SCAF11: variants seen among roughly 807,000 people sequenced by gnomAD.
SCAF11 encodes SR-related CTD associated factor 11.
In SCAF11, 47 loss-of-function variants were observed where a neutral mutation model predicts 140.5. The observed-to-expected ratio is 0.33, with a 90% CI of 0.26 to 0.43. The LOEUF is 0.43. Among genes scored for constraint, SCAF11 ranks in the 20% least tolerant of loss-of-function variants. SCAF11 has a pLI of 1.00. For missense variants in SCAF11, 1,645 were observed against 1,705.1 expected, an observed-to-expected ratio of 0.96 and a Z score of 0.62; for synonymous variants, 557 against 579.4, an observed-to-expected ratio of 0.96 and a Z score of 0.55.
intron 1 of SCAF11, among the ~76,000 whole-genome samples, chr12:45,972,873 T>TATAG (rs1197274636): frequency 2.0e-4 from 9 of 44,908 alleles, no homozygotes; most frequent in African/African-American, 8.4e-4. Context: ...TCGATATATA[T>TATAG]ATATATAGAT....
intron 11 of SCAF11, among the ~76,000 whole-genome samples, chr12:45,925,324 G>A (rs1316049933): frequency 3.9e-5 from 6 of 152,046 alleles, no homozygotes; most frequent in African/African-American, 7.2e-5. Flanking sequence ...AGGCCAAGGC[G>A]GGCAGATCAC....
At chr12:45,936,015 AG>A (rs1321975465) in intron 6 of SCAF11, among the ~76,000 whole-genome samples, 4 of 152,222 alleles carry the variant, frequency 2.6e-5, no homozygotes, top group African/African-American at 9.6e-5. Context: ...AAACTTATAA[AG>A]AAAAATTATG....
In SCAF11 at chr12:45,927,285, C is replaced by T. The variant is rs778060833; in HGVS notation, c.2416G>A (p.Asp806Asn). The T allele has an allele frequency of 2.5e-6, 4 of 1,586,188 alleles. No homozygotes were observed. Among genetic ancestry groups the T allele is most frequent in the Non-Finnish European group, 3.4e-6 (4 of 1,165,180 alleles). ...SPSTTWSPNK[D>N]TPQEKKRPQS... ...GGCCGCTTCTTTTCTTGTGGAGTGT[C>T]TTTGTTGGGTGACCAAGTTGTAGAT... Residue 806 changes from aspartate (D) to asparagine (N), a missense_variant, in exon 11 of 15, where the codon GAC becomes AAC. Asp to Asn is a conservative substitution (Grantham distance 23). This residue lies in a region of SCAF11 where 1,582 missense variants were observed against 1,609.2 expected (regional missense o/e 0.98). Transcript: ENST00000369367.
chr12:45,973,534 A>T (rs1946162730), intron 1 of SCAF11, among the ~76,000 whole-genome samples: 1 of 152,182 alleles, frequency 6.6e-6, no homozygotes, highest in South Asian at 2.1e-4. Context: ...ATGCCTGGAC[A>T]CACATCAGAG....
At chr12:45,988,815 A>G (rs903204213) in intron 1 of SCAF11, among the ~76,000 whole-genome samples, 4 of 152,202 alleles carry the variant, frequency 2.6e-5, no homozygotes, top group Non-Finnish European at 4.4e-5. Context: ...GAAAAACTGA[A>G]TGACTGTTAA....
At chr12:45,923,197 C>T (rs777155932) in intron 12 of SCAF11, 43 bp from the exon 13 acceptor site, 18 of 1,521,336 alleles carry the variant, frequency 1.2e-5, no homozygotes, top group Admixed American at 3.4e-5. Flanking sequence ...TACTTGTACT[C>T]GATAGAAGTC....
rs559868092 is a variant in SCAF11, at chr12:45,920,734, C to T, written c.*1314G>A. ...ATTTTGCAACATGGCTAATGGCTACCACCTGGTCACCAAATTAACACTTCA... is the reference window on the plus strand; with the variant it reads ...ATTTTGCAACATGGCTAATGGCTACTACCTGGTCACCAAATTAACACTTCA... On this transcript the variant is annotated 3_prime_UTR_variant, in exon 15 of 15. Transcript: ENST00000369367. 7.9e-5 allele frequency: 12 copies of T among 152,608 alleles called. No homozygotes were observed. The South Asian group carries it at 2.5e-3, about 32-fold the overall frequency. 9.5% of individuals were successfully genotyped at this position (152,608 alleles called of 1,614,324 possible).
At chr12:45,940,948 G>A (rs1945283252) in intron 6 of SCAF11, among the ~76,000 whole-genome samples, 1 of 152,142 alleles carries the variant, frequency 6.6e-6, no homozygotes, top group African/African-American at 2.4e-5. Context: ...GGGACTACAG[G>A]TGTGTATCAC....
chr12:45,930,460 T>G (rs993937330), intron 10 of SCAF11, among the ~76,000 whole-genome samples: 1 of 150,478 alleles, frequency 6.6e-6, no homozygotes, highest in African/African-American at 2.5e-5. Flanking sequence ...TTTTTTGTTT[T>G]TTTTTTTTTT....
chr12:45,982,618 T>C (rs199659318), intron 1 of SCAF11, among the ~76,000 whole-genome samples: 3 of 152,236 alleles, frequency 2.0e-5, no homozygotes, highest in East Asian at 1.9e-4. Flanking sequence ...GGCAGGAGAA[T>C]TGCTTGAACT....
At chr12:45,990,859 T>A (rs1946589197), upstream of SCAF11, among the ~76,000 whole-genome samples, 1 of 152,212 alleles carries the variant, frequency 6.6e-6, no homozygotes, top group South Asian at 2.1e-4. Flanking sequence ...TGGAGGGGCC[T>A]TCTGGGAAAC....
At position 45,927,443 on chromosome 12, in the gene SCAF11, G is replaced by C; in HGVS notation, c.2258C>G (p.Ser753Cys). ...QMNENSVTHC[S>C]ENNMPSSDLA... ...ATCAGAAGACGGCATATTATTTTCAGAACAGTGTGTCACAGAATTTTCATT... is the reference window on the plus strand; with the variant it reads ...ATCAGAAGACGGCATATTATTTTCACAACAGTGTGTCACAGAATTTTCATT... Residue 753 changes from serine to cysteine, a missense_variant, in exon 11 of 15, where the codon TCT becomes TGT. Transcript: ENST00000369367. The C allele has an allele frequency of 1.9e-6, 3 of 1,613,470 alleles. No individual in the cohort carries two copies. Among genetic ancestry groups the C allele is most frequent in the East Asian group, 2.2e-5 (1 of 44,876 alleles).
intron 1 of SCAF11, among the ~76,000 whole-genome samples, chr12:45,977,556 T>C (rs1418216637): frequency 1.3e-5 from 2 of 152,072 alleles, no homozygotes; most frequent in Non-Finnish European, 2.9e-5. Flanking sequence ...AAAAGCTCAA[T>C]TTTACTGTAT....
At chr12:45,980,941 T>C (rs879335904) in intron 1 of SCAF11, among the ~76,000 whole-genome samples, 1 of 152,202 alleles carries the variant, frequency 6.6e-6, no homozygotes, top group South Asian at 2.1e-4. Flanking sequence ...GTTATCAATG[T>C]CTTAGGACAT....
intron 1 of SCAF11, among the ~76,000 whole-genome samples, chr12:45,988,381 G>A (rs1308848733): frequency 6.6e-6 from 1 of 152,116 alleles, no homozygotes; most frequent in African/African-American, 2.4e-5. Flanking sequence ...TGTATTTTCT[G>A]ATTACTAAAA....
Position 45,926,771 on chromosome 12 carries a change from C to A in SCAF11, c.2930G>T (p.Cys977Phe). 3.1e-6 allele frequency: 5 copies of A among 1,614,096 alleles called. No individual in the cohort carries two copies. The highest frequency in any genetic ancestry group is 3.4e-6 in the Non-Finnish European group (4 of 1,180,020). ...TCTGTACCGATCATTTCCTCGTGGACATCTCCAACCATCATTTGCCCATCT... is the reference window on the plus strand; with the variant it reads ...TCTGTACCGATCATTTCCTCGTGGAAATCTCCAACCATCATTTGCCCATCT... ...KGRWANDGWR[C>F]PRGNDRYRKN... Residue 977 changes from cysteine to phenylalanine, a missense_variant, in exon 11 of 15, where the codon TGT becomes TTT. Around this residue, in one of 2 missense-constraint regions of SCAF11, gnomAD observed 1,582 missense variants for 1,609.2 expected, o/e 0.98. Transcript: ENST00000369367.
At chr12:45,963,041 T>C (rs560887074) in intron 2 of SCAF11, among the ~76,000 whole-genome samples, 1 of 152,096 alleles carries the variant, frequency 6.6e-6, no homozygotes, top group East Asian at 1.9e-4. Context: ...CCAAGAAAAA[T>C]ACTTGTGAAT....
chr12:45,940,989 G>T (rs1299033490), intron 6 of SCAF11, among the ~76,000 whole-genome samples: 2 of 152,070 alleles, frequency 1.3e-5, no homozygotes, highest in African/African-American at 4.8e-5. Flanking sequence ...ATTTTTTGTA[G>T]AGGTGGGTTT....
chr12:45,976,921 T>C (rs530030788), intron 1 of SCAF11, among the ~76,000 whole-genome samples: 1 of 152,168 alleles, frequency 6.6e-6, no homozygotes, highest in Non-Finnish European at 1.5e-5. Context: ...AAAAGATCAA[T>C]AAAATTTAAA....
Sources: allele counts gnomAD v4.1 joint callset (sites outside exome capture counted in the v4.1 genomes callset), GRCh38; gene constraint gnomAD v4.1.1; regional missense constraint gnomAD v4.1.1; transcripts MANE v1.5; gene names NCBI Gene and HGNC (gene_info 2026-07-23, HGNC 2026-07-21).